Variants in SETBP1 observed in about 807,000 individuals in gnomAD.
The protein encoded by SETBP1 is SET binding protein 1.
Under a neutral mutation model 101.0 loss-of-function variants are expected in SETBP1, and 9 were observed. That is an observed-to-expected ratio of 0.09 (90% CI 0.05 to 0.16). SETBP1 has a LOEUF of 0.16. SETBP1 is among the 10% of genes least tolerant of loss of function. The pLI, the probability that SETBP1 is intolerant of heterozygous loss-of-function variation, is 1.00. For missense variants in SETBP1, 1,858 were observed against 2,033.8 expected, an observed-to-expected ratio of 0.91 and a Z score of 1.66; for synonymous variants, 818 against 788.5, an observed-to-expected ratio of 1.04 and a Z score of -0.63.
chr18:44,927,540 A>G (rs919880449), intron 3 of SETBP1, among the ~76,000 whole-genome samples: 1 of 152,214 alleles, frequency 6.6e-6, no homozygotes, highest in Non-Finnish European at 1.5e-5. Context: ...CTGATGAACA[A>G]TCTTAAGGTA....
intron 2 of SETBP1, among the ~76,000 whole-genome samples, chr18:44,718,491 A>C (rs2069515943): frequency 6.6e-6 from 1 of 152,154 alleles, no homozygotes; most frequent in Non-Finnish European, 1.5e-5. Flanking sequence ...AGAGAGAGAG[A>C]GAGCTAAGCT....
chr18:45,051,545 T>C (rs1257518721), intron 5 of SETBP1, among the ~76,000 whole-genome samples: 1 of 152,148 alleles, frequency 6.6e-6, no homozygotes, highest in African/African-American at 2.4e-5. Flanking sequence ...GTACCTTCAG[T>C]TTAATTTGGC....
chr18:44,949,586 G>C (rs549859555), intron 3 of SETBP1, among the ~76,000 whole-genome samples: 2 of 152,250 alleles, frequency 1.3e-5, no homozygotes, highest in Admixed American at 6.5e-5. Flanking sequence ...CCTCCCTCCT[G>C]TCTCTAAAGA....
chr18:44,729,484 G>A (rs925976555), intron 2 of SETBP1, among the ~76,000 whole-genome samples: 1 of 152,224 alleles, frequency 6.6e-6, no homozygotes, highest in East Asian at 1.9e-4. Flanking sequence ...GTTGTTGAAT[G>A]AGAAGGCGGA....
chr18:45,006,259 T>C (rs531227339), intron 4 of SETBP1, among the ~76,000 whole-genome samples: 2 of 152,264 alleles, frequency 1.3e-5, no homozygotes, highest in African/African-American at 4.8e-5. Context: ...GCCAAAAATC[T>C]TTCTCAACCA....
At chr18:45,030,928 G>T (rs536178596) in intron 4 of SETBP1, among the ~76,000 whole-genome samples, 3 of 152,042 alleles carry the variant, frequency 2.0e-5, no homozygotes, top group Admixed American at 1.3e-4. Flanking sequence ...CTTGCTAGCA[G>T]TCTATCAATT....
intron 2 of SETBP1, chr18:44,733,297 G>A (rs12607198): frequency 0.2 from 30,570 of 152,194 alleles, 3,227 homozygotes; most frequent in Non-Finnish European, 0.24. Flanking sequence ...GGGGATGTCA[G>A]TGGAAAAGTC....
chr18:44,785,466 C>CT (rs1032648503), intron 2 of SETBP1, among the ~76,000 whole-genome samples: 8 of 152,054 alleles, frequency 5.3e-5, no homozygotes, highest in Non-Finnish European at 1.2e-4. Context: ...TATTGTTTTT[C>CT]TTTTTTTATT....
At chr18:44,910,232 A>AGTG (rs2070274653) in intron 3 of SETBP1, among the ~76,000 whole-genome samples, 1 of 152,218 alleles carries the variant, frequency 6.6e-6, no homozygotes, top group African/African-American at 2.4e-5. Flanking sequence ...TGTAACCATC[A>AGTG]TACACATTGC....
chr18:44,687,525 G>C (rs574346362), intron 1 of SETBP1, among the ~76,000 whole-genome samples: 2 of 152,286 alleles, frequency 1.3e-5, no homozygotes, highest in Non-Finnish European at 2.9e-5. Flanking sequence ...CAGGGAAGGG[G>C]AGAGGAGGCA....
chr18:44,831,587 T>C (rs911557699), intron 2 of SETBP1, among the ~76,000 whole-genome samples: 1 of 152,220 alleles, frequency 6.6e-6, no homozygotes, highest in Non-Finnish European at 1.5e-5. Flanking sequence ...GGACAAATAG[T>C]TAAGAGCCAA....
intron 3 of SETBP1, among the ~76,000 whole-genome samples, chr18:44,897,285 CG>C (rs2069928821): frequency 6.6e-6 from 1 of 152,114 alleles, no homozygotes; most frequent in Non-Finnish European, 1.5e-5. Context: ...GCTGAAGCTT[CG>C]GGGCATCCCT....
chr18:44,695,867 T>C (rs1185573993), intron 1 of SETBP1, among the ~76,000 whole-genome samples: 12 of 152,104 alleles, frequency 7.9e-5, no homozygotes. Flanking sequence ...ACCTTTTTTT[T>C]TTTTTTCTGT....
At chr18:44,791,319 C>T (rs756006189) in intron 2 of SETBP1, among the ~76,000 whole-genome samples, 6 of 152,142 alleles carry the variant, frequency 3.9e-5, no homozygotes, top group Admixed American at 1.3e-4. Context: ...CACTGCATTT[C>T]GGAAAACCGT....
intron 2 of SETBP1, among the ~76,000 whole-genome samples, chr18:44,746,643 A>G (rs867112157): frequency 8.5e-5 from 13 of 152,334 alleles, no homozygotes; most frequent in Admixed American, 2.6e-4. Context: ...CATTTAATAG[A>G]TGTTTGATGA....
chr18:44,739,741 T>C (rs7230525), intron 2 of SETBP1, among the ~76,000 whole-genome samples: 46,280 of 151,984 alleles, frequency 0.3, 7,188 homozygotes, highest in African/African-American at 0.33. Context: ...TCATTAAATT[T>C]AAAAACCAGT....
chr18:44,714,443 C>T (rs1378614288), intron 2 of SETBP1, among the ~76,000 whole-genome samples: 1 of 152,110 alleles, frequency 6.6e-6, no homozygotes, highest in East Asian at 1.9e-4. Flanking sequence ...CTCAGATGAT[C>T]CGCCCGCCTT....
chr18:44,936,082 G>A (rs930667319), intron 3 of SETBP1, among the ~76,000 whole-genome samples: 14 of 152,188 alleles, frequency 9.2e-5, no homozygotes, highest in African/African-American at 3.1e-4. Context: ...CCATCAGGAT[G>A]AGCCTGCAGT....
At chr18:44,954,384 A>G (rs1265915098) in intron 4 of SETBP1, among the ~76,000 whole-genome samples, 1 of 150,812 alleles carries the variant, frequency 6.6e-6, no homozygotes. Context: ...GTTCCCAAAT[A>G]GTATAAAACC....
Sources: gnomAD v4.1 joint callset for allele counts (sites outside exome capture counted in the v4.1 genomes callset) on GRCh38, gnomAD v4.1.1 for gene constraint, MANE v1.5 for transcripts, NCBI Gene and HGNC (gene_info 2026-07-23, HGNC 2026-07-21) for gene names.